NXPE1: variants seen among roughly 807,000 people sequenced by gnomAD.
The protein encoded by NXPE1 is neurexophilin and PC-esterase domain family member 1.
NXPE1 carries 31 observed loss-of-function variants against 33.3 expected under a neutral mutation model. That is an observed-to-expected ratio of 0.93 (90% CI 0.70 to 1.26). The LOEUF is 1.26. Ranked by LOEUF, NXPE1 falls within the 50% of genes most tolerant of loss-of-function variation. The pLI, the probability that NXPE1 is intolerant of heterozygous loss-of-function variation, is 0.00. For missense variants in NXPE1, 661 were observed against 655.6 expected (o/e 1.01, Z -0.09); for synonymous variants, 229 against 231.4 (o/e 0.99, Z 0.09).
At chr11:114,542,771 T>C (rs756908586) in intron 5 of NXPE1, among the ~76,000 whole-genome samples, 4 of 152,150 alleles carry the variant, frequency 2.6e-5, no homozygotes, top group East Asian at 1.9e-4. Flanking sequence ...GGTTATATAA[T>C]GGATTAAAAT....
chr11:114,539,857 A>G (rs934612533), intron 5 of NXPE1, among the ~76,000 whole-genome samples: 1 of 152,230 alleles, frequency 6.6e-6, no homozygotes, highest in Non-Finnish European at 1.5e-5. Context: ...TCAGAAAATT[A>G]TATTTCGTAA....
intron 5 of NXPE1, among the ~76,000 whole-genome samples, chr11:114,538,792 T>C (rs1947952270): frequency 6.6e-6 from 1 of 152,122 alleles, no homozygotes. Context: ...CAACAGGTGC[T>C]GGAGAGGATG....
At chr11:114,540,031 A>C (rs1196089085) in intron 5 of NXPE1, among the ~76,000 whole-genome samples, 1 of 152,202 alleles carries the variant, frequency 6.6e-6, no homozygotes, top group East Asian at 1.9e-4. Context: ...CACATCAGTA[A>C]GTATTTCTTA....
Position 114,538,580 on chromosome 11 carries a change from T to C in NXPE1, c.100-7672A>G, listed in dbSNP as rs534373529. ...TCTACAATGAACTCAAACAAATTTA[T>C]AAGAAAAAAACAAACAACCCCATTA... On this transcript the variant is annotated intron_variant, in intron 5 of 8. Transcript: ENST00000534921. 1.3e-3 allele frequency among the ~76,000 whole-genome samples: 200 copies of C among 151,868 alleles called. 1 individual carries two copies. In the East Asian group the frequency reaches 0.035, roughly 26 times the overall value.
chr11:114,522,306 T>A lies in NXPE1; in HGVS notation c.1306A>T (p.Ile436Phe), dbSNP rs1331430673. The change falls in exon 9 of 9, where the codon ATC (isoleucine) becomes TTC (phenylalanine). Residue 436 changes from isoleucine to phenylalanine, a missense_variant. By Grantham distance (21) the Ile-to-Phe change is conservative. Coordinates refer to ENST00000534921, the Ensembl canonical transcript of NXPE1. Reference sequence around the variant, plus strand: ...GGTCTAAAGTGCTGGCCAAAGGTGATGACGATGGCTGTGTTTTTGTCACCT... The same window carrying A: ...GGTCTAAAGTGCTGGCCAAAGGTGAAGACGATGGCTGTGTTTTTGTCACCT... 12 of 1,613,972 alleles carry A rather than the reference T, an allele frequency of 7.4e-6. No individual in the cohort carries two copies. The highest frequency in any genetic ancestry group is 9.3e-6 in the Non-Finnish European group (11 of 1,179,968).
At chr11:114,522,478 T>C in exon 9 of NXPE1, 1 of 1,603,076 alleles carries the variant, frequency 6.2e-7, no homozygotes, top group Non-Finnish European at 8.5e-7. Flanking sequence ...AGATTCCAGT[T>C]TCATGAAGAT....
chr11:114,545,917 T>C (rs6589437), intron 5 of NXPE1, among the ~76,000 whole-genome samples: 34,404 of 151,826 alleles, frequency 0.23, 5,496 homozygotes, highest in African/African-American at 0.44. Context: ...TCTCGATAGC[T>C]TGACTTTGCG....
exon 9 of NXPE1, chr11:114,522,023 G>T: frequency 6.2e-7 from 1 of 1,613,806 alleles, no homozygotes. Flanking sequence ...ATGATCAGGT[G>T]GGTGGATAGT....
At chr11:114,528,289 C>T (rs1947443073) in intron 6 of NXPE1, among the ~76,000 whole-genome samples, 1 of 151,992 alleles carries the variant, frequency 6.6e-6, no homozygotes, top group Non-Finnish European at 1.5e-5. Context: ...CAGTTTTATC[C>T]CACCTAAATT....
chr11:114,538,912 G>T (rs1591283722), intron 5 of NXPE1, among the ~76,000 whole-genome samples: 1 of 152,114 alleles, frequency 6.6e-6, no homozygotes, highest in African/African-American at 2.4e-5. Flanking sequence ...AATACCATTT[G>T]ACCCAGCCAT....
intron 5 of NXPE1, among the ~76,000 whole-genome samples, chr11:114,540,251 C>T (rs552275763): frequency 1.9e-4 from 29 of 152,246 alleles, no homozygotes; most frequent in East Asian, 5.8e-4. Flanking sequence ...CCACCATGCC[C>T]GGCCAATAAA....
chr11:114,527,374 G>A (rs1028544961), intron 7 of NXPE1: 2 of 152,818 alleles, frequency 1.3e-5, no homozygotes, highest in Non-Finnish European at 2.9e-5. Flanking sequence ...TAAAGCTAAG[G>A]TAGTATAAAT....
intron 6 of NXPE1, among the ~76,000 whole-genome samples, chr11:114,528,414 C>G (rs1027535667): frequency 4.6e-5 from 7 of 152,176 alleles, no homozygotes; most frequent in Non-Finnish European, 1.0e-4. Flanking sequence ...TTTTGGGTGG[C>G]AGGTAGACCT....
chr11:114,523,873 A>G (rs1227352869), intron 7 of NXPE1, among the ~76,000 whole-genome samples: 1 of 152,248 alleles, frequency 6.6e-6, no homozygotes, highest in Non-Finnish European at 1.5e-5. Context: ...CTATACTGAT[A>G]CTACGTTCTG....
chr11:114,546,539 C>T lies in NXPE1; in HGVS notation c.99+4564G>A, dbSNP rs1286186097. On this transcript the variant is annotated intron_variant, in intron 5 of 8. Coordinates refer to ENST00000534921, the Ensembl canonical transcript of NXPE1. ...CTGGTCCCGAATTCCTGGCCTCAAACGATCCTCCCATCTCACCCTCCCAAA... is the reference window on the plus strand; with the variant it reads ...CTGGTCCCGAATTCCTGGCCTCAAATGATCCTCCCATCTCACCCTCCCAAA... Among the ~76,000 whole-genome samples, 5 of 150,856 alleles carry T rather than the reference C, an allele frequency of 3.3e-5. No homozygotes were observed. The East Asian group carries it at 5.8e-4, about 18-fold the overall frequency.
At chr11:114,541,566 G>A (rs1401354043) in intron 5 of NXPE1, among the ~76,000 whole-genome samples, 1 of 152,160 alleles carries the variant, frequency 6.6e-6, no homozygotes, top group Non-Finnish European at 1.5e-5. Context: ...AGGTGGTTGG[G>A]GTTCAGCTTG....
intron 5 of NXPE1, among the ~76,000 whole-genome samples, chr11:114,537,192 T>G (rs1387075478): frequency 2.6e-5 from 4 of 152,170 alleles, no homozygotes; most frequent in Non-Finnish European, 4.4e-5. Flanking sequence ...GATGATTATC[T>G]CAATAGATGC....
chr11:114,530,684 A>G, exon 6 of NXPE1: 1 of 1,613,910 alleles, frequency 6.2e-7, no homozygotes, highest in South Asian at 1.1e-5. Context: ...ATGTATCTCG[A>G]GGGTTGAGGA....
Position 114,551,227 on chromosome 11 carries a change from C to A in NXPE1, c.-10-16G>T. 1 of 1,468,690 alleles carries A rather than the reference C, an allele frequency of 6.8e-7. No homozygotes were observed. The allele number at this position is 1,468,690 out of a possible 1,614,324, so 91.0% of individuals were successfully genotyped here. ...GACGAATGTCCTAGGAGAGATGACA[C>A]AAGAGAGGAGTCGTGAGAAGTGAAT... On this transcript the variant is annotated splice_polypyrimidine_tract_variant and intron_variant, in intron 4 of 8. Coordinates refer to ENST00000534921, the Ensembl canonical transcript of NXPE1.
Sources: allele counts gnomAD v4.1 joint callset (sites outside exome capture counted in the v4.1 genomes callset), GRCh38; gene constraint gnomAD v4.1.1; transcripts MANE v1.5; gene names NCBI Gene and HGNC (gene_info 2026-07-23, HGNC 2026-07-21).